The following MGAT4A variants were observed in gnomAD, a reference collection of about 807,000 sequenced individuals.
The protein encoded by MGAT4A is N-acetylglucosaminyltransferase IVa.
Under a neutral mutation model 74.1 loss-of-function variants are expected in MGAT4A, and 33 were observed. That is an observed-to-expected ratio of 0.45 (90% confidence interval 0.34 to 0.60). The LOEUF (loss-of-function observed/expected upper bound fraction) is 0.60, where lower values mean the gene tolerates loss of function less well. Among genes scored for constraint, MGAT4A ranks in the 20% least tolerant of loss-of-function variants. The pLI is 0.02. For synonymous variants in MGAT4A, 198 were observed against 210.4 expected (o/e 0.94, Z 0.51); for missense variants, 479 against 628.3 (o/e 0.76, Z 2.54).
At position 98,679,129 on chromosome 2, in the gene MGAT4A, G is replaced by A. The variant is rs371128842; in HGVS notation, c.95-658C>T. Among the ~76,000 whole-genome samples, 26 of 152,136 alleles carry A rather than the reference G, an allele frequency of 1.7e-4. No individual in the cohort carries two copies. The South Asian group carries it at 2.3e-3, about 13-fold the overall frequency. On this transcript the variant is annotated intron_variant, in intron 2 of 15. Coordinates refer to ENST00000393487, the MANE Select transcript of MGAT4A (RefSeq NM_012214.3). ...GAGTTCAAGACCAGCCTAGATGGCCGGGTGCGGTGGCTCACGCCTGTAATC... is the reference window on the plus strand; with the variant it reads ...GAGTTCAAGACCAGCCTAGATGGCCAGGTGCGGTGGCTCACGCCTGTAATC...
Position 98,685,326 on chromosome 2 carries a change from T to A in MGAT4A, c.95-6855A>T, listed in dbSNP as rs1018876475. On this transcript the variant is annotated intron_variant, in intron 2 of 15. Coordinates refer to ENST00000393487, the MANE Select transcript of MGAT4A (RefSeq NM_012214.3). ...ATTCTTTCCACAGATAAATTTTTTT[T>A]AAATATGAATGAGGAAGGTTTTTAG... Among the ~76,000 whole-genome samples, 42 of 152,104 alleles carry A rather than the reference T, an allele frequency of 2.8e-4. No individual in the cohort carries two copies. In the East Asian group the frequency reaches 3.3e-3, roughly 12 times the overall value.
intron 2 of MGAT4A, 65 bp downstream of exon 2, chr2:98,726,174 A>T: frequency 8.2e-7 from 1 of 1,224,480 alleles, no homozygotes; most frequent in Non-Finnish European, 1.2e-6. Flanking sequence ...CTAAGCATTT[A>T]GGCACCTTAA....
At chr2:98,649,409 G>T (rs773159052) in intron 8 of MGAT4A, among the ~76,000 whole-genome samples, 5 of 152,118 alleles carry the variant, frequency 3.3e-5, no homozygotes, top group Non-Finnish European at 4.4e-5. Flanking sequence ...ACCACAGTGA[G>T]GAAACACTCA....
chr2:98,627,893 G>A (rs993744875), intron 14 of MGAT4A, among the ~76,000 whole-genome samples: 3 of 152,168 alleles, frequency 2.0e-5, no homozygotes, highest in African/African-American at 7.2e-5. Context: ...GAGTGAATAA[G>A]GTTCACTGTT....
intron 8 of MGAT4A, among the ~76,000 whole-genome samples, chr2:98,651,627 A>T (rs1307237621): frequency 2.0e-5 from 3 of 152,202 alleles, no homozygotes; most frequent in Admixed American, 2.0e-4. Context: ...GAAACACAAA[A>T]GAAAGCAGCA....
intron 7 of MGAT4A, chr2:98,656,018 C>A: frequency 8.5e-6 from 2 of 235,518 alleles, no homozygotes; most frequent in South Asian, 1.2e-4. Flanking sequence ...GATCAAAGTT[C>A]ACAAATAGGT....
At chr2:98,706,132 A>G (rs1352210685) in intron 2 of MGAT4A, among the ~76,000 whole-genome samples, 1 of 152,142 alleles carries the variant, frequency 6.6e-6, no homozygotes, top group Admixed American at 6.5e-5. Context: ...GTATGTAGGG[A>G]CAAAAAAGCT....
chr2:98,624,385 A>G lies in MGAT4A; in HGVS notation c.*1181T>C, dbSNP rs1350458449. On this transcript the variant is annotated 3_prime_UTR_variant, in exon 16 of 16. Transcript: ENST00000393487. ...GAGACCGGTAATATTCTTTGTTTATAGTAGTAATATCATTTGGAATAGCGT... is the reference window on the plus strand; with the variant it reads ...GAGACCGGTAATATTCTTTGTTTATGGTAGTAATATCATTTGGAATAGCGT... The G allele has an allele frequency of 1.0e-6, 1 of 954,550 alleles. No homozygotes were observed. Among genetic ancestry groups the G allele is most frequent in the Non-Finnish European group, 1.2e-6 (1 of 802,000 alleles). The allele number at this position is 954,550 out of a possible 1,614,324, so 59.1% of individuals were successfully genotyped here.
chr2:98,646,904 T>C (rs1364906923), intron 8 of MGAT4A, among the ~76,000 whole-genome samples: 2 of 152,190 alleles, frequency 1.3e-5, no homozygotes, highest in Admixed American at 6.5e-5. Context: ...TAGTACCCAA[T>C]AGGTAACATA....
In MGAT4A at chr2:98,677,801, AT is replaced by A. The variant is rs70940122; in HGVS notation, c.262+502del. Reference sequence around the variant, plus strand: ...TAAAATCAGATTTAGCAGGTAATAAATTTTTTTTTTTTTTTTTTTTTTGTAA... The same window carrying A: ...TAAAATCAGATTTAGCAGGTAATAAATTTTTTTTTTTTTTTTTTTTTGTAA... On this transcript the variant is annotated intron_variant, in intron 3 of 15. Coordinates refer to ENST00000393487, the MANE Select transcript of MGAT4A (RefSeq NM_012214.3). Among the ~76,000 whole-genome samples, 858 of 121,328 alleles carry A rather than the reference AT, an allele frequency of 7.1e-3. 1 individual carries two copies. Among genetic ancestry groups the A allele is most frequent in the East Asian group, 0.015 (69 of 4,480 alleles). The allele number at this position is 121,328 out of a possible 152,430, so 79.6% of individuals were successfully genotyped here. A position where few individuals can be genotyped will look rare whatever the true frequency, so the allele number is the denominator to read the frequency against.
intron 2 of MGAT4A, among the ~76,000 whole-genome samples, chr2:98,723,308 A>C (rs1702707064): frequency 6.6e-6 from 1 of 152,210 alleles, no homozygotes; most frequent in Non-Finnish European, 1.5e-5. Context: ...AGCATGCGCC[A>C]GCAAGATAGC....
chr2:98,623,042 G>A lies in MGAT4A; in HGVS notation c.*2524C>T, dbSNP rs547800094. 1 of 985,636 alleles carries A rather than the reference G, an allele frequency of 1.0e-6. No individual in the cohort carries two copies. Among genetic ancestry groups the A allele is most frequent in the South Asian group, 4.7e-5 (1 of 21,272 alleles). 61.1% of individuals were successfully genotyped at this position (985,636 alleles called of 1,614,324 possible). A position where few individuals can be genotyped will look rare whatever the true frequency, so the allele number is the denominator to read the frequency against. The stretch of plus-strand genomic sequence containing the variant: ...CAAAAATAATACAAAATGATAAAAA[G>A]AGAAAGAGGAGGGCAGGCTGGAATA... On this transcript the variant is annotated 3_prime_UTR_variant, in exon 16 of 16. Transcript: ENST00000393487.
intron 3 of MGAT4A, among the ~76,000 whole-genome samples, chr2:98,677,555 C>T (rs1036485235): frequency 1.3e-5 from 2 of 152,034 alleles, no homozygotes; most frequent in African/African-American, 4.8e-5. Flanking sequence ...AGAGTTCAAG[C>T]GATTCTCCTG....
chr2:98,667,270 A>G (rs1701847996), intron 4 of MGAT4A, among the ~76,000 whole-genome samples: 1 of 152,224 alleles, frequency 6.6e-6, no homozygotes, highest in Admixed American at 6.5e-5. Context: ...AGACTAATAC[A>G]GTAAATTGGT....
In MGAT4A at chr2:98,631,007, A is replaced by T. The variant is rs1309919891; in HGVS notation, c.1468+4215T>A. Among the ~76,000 whole-genome samples the T allele has an allele frequency of 2.6e-5, 4 of 152,216 alleles. No individual in the cohort carries two copies. The East Asian group carries it at 7.7e-4, about 29-fold the overall frequency. Reference sequence around the variant, plus strand: ...ACTCCTGGCATTGACAGGGACGGCCAAGGGCTACAGCCGTGGCTCCCCTCC... The same window carrying T: ...ACTCCTGGCATTGACAGGGACGGCCTAGGGCTACAGCCGTGGCTCCCCTCC... On this transcript the variant is annotated intron_variant, in intron 14 of 15. Transcript: ENST00000393487.
chr2:98,699,334 A>G (rs887448149), intron 2 of MGAT4A, among the ~76,000 whole-genome samples: 3 of 152,238 alleles, frequency 2.0e-5, no homozygotes, highest in African/African-American at 7.2e-5. Context: ...CAAATAGTTT[A>G]GGCACACTGA....
chr2:98,687,606 T>C (rs1486080476), intron 2 of MGAT4A, among the ~76,000 whole-genome samples: 1 of 152,224 alleles, frequency 6.6e-6, no homozygotes, highest in Non-Finnish European at 1.5e-5. Flanking sequence ...GTTTCTTTTC[T>C]GGACTTATTT....
chr2:98,672,020 G>A (rs1215877463), intron 4 of MGAT4A, among the ~76,000 whole-genome samples: 1 of 146,172 alleles, frequency 6.8e-6, no homozygotes, highest in Non-Finnish European at 1.5e-5. Context: ...TTGACAACCT[G>A]GTGTTAGGAC....
rs59955000 is a variant in MGAT4A at position 98,671,943 on chromosome 2, C to CAAAAAAAAAAAAAAAAAAAAAAAA, written c.403+3068_403+3091dup. ...AGGCCACAAAGTAATGTGGAAAAGG[C>CAAAAAAAAAAAAAAAAAAAAAAAA]AAAAAAAAAAAAAAAAAAAAAAAAA... On this transcript the variant is annotated intron_variant, in intron 4 of 15. Transcript: ENST00000393487. Among the ~76,000 whole-genome samples, 2 of 28,616 alleles carry CAAAAAAAAAAAAAAAAAAAAAAAA rather than the reference C, an allele frequency of 7.0e-5. 1 individual carries two copies. The highest frequency in any genetic ancestry group is 1.3e-4 in the Non-Finnish European group (2 of 15,532). 18.8% of individuals were successfully genotyped at this position (28,616 alleles called of 152,430 possible).
Sources: allele counts gnomAD v4.1 joint callset (sites outside exome capture counted in the v4.1 genomes callset), GRCh38; gene constraint gnomAD v4.1.1; transcripts MANE v1.5; gene names NCBI Gene and HGNC (gene_info 2026-07-23, HGNC 2026-07-21).